Variants in ZNF248 observed in about 807,000 individuals in gnomAD.
The protein encoded by ZNF248 is KRAB protein domain.
Under a neutral mutation model 44.3 loss-of-function variants are expected in ZNF248, and 20 were observed. The observed-to-expected ratio is 0.45, with a 90% CI of 0.32 to 0.66. The LOEUF (loss-of-function observed/expected upper bound fraction) is 0.66. Ranked by LOEUF, ZNF248 falls within the 30% of genes least tolerant of loss-of-function variation. ZNF248 has a pLI of 0.04. For missense variants in ZNF248, 654 were observed against 677.0 expected (o/e 0.97, Z 0.38); for synonymous variants, 224 against 229.0 (o/e 0.98, Z 0.20).
chr10:37,854,260 C>T (rs958970239), intron 3 of ZNF248, among the ~76,000 whole-genome samples: 2 of 151,984 alleles, frequency 1.3e-5, no homozygotes, highest in African/African-American at 4.8e-5. Flanking sequence ...CAAAAATAAC[C>T]AAATATTTCT....
chr10:37,809,942 T>G (rs2051226571), intron 6 of ZNF248, among the ~76,000 whole-genome samples: 1 of 152,250 alleles, frequency 6.6e-6, no homozygotes, highest in Non-Finnish European at 1.5e-5. Flanking sequence ...AGACTTAATT[T>G]GTGACCTAAC....
At chr10:37,819,895 TG>T in intron 6 of ZNF248, 1 of 775,688 alleles carries the variant, frequency 1.3e-6, no homozygotes, top group Non-Finnish European at 2.4e-6. Context: ...GATAAGATTC[TG>T]AAAAGCATAA....
At chr10:37,771,482 T>A in the ZNF248 span, among the ~76,000 whole-genome samples, 1 of 150,468 alleles carries the variant, frequency 6.6e-6, no homozygotes, top group Non-Finnish European at 1.5e-5. Context: ...GGGACATGGA[T>A]GAAACTGGAA....
intron 6 of ZNF248, among the ~76,000 whole-genome samples, chr10:37,804,553 C>G (rs2050281854): frequency 1.3e-5 from 2 of 152,186 alleles, no homozygotes; most frequent in African/African-American, 4.8e-5. Context: ...CCCACCTCAG[C>G]CTCCCGAATA....
chr10:37,802,138 T>C (rs934315068), intron 6 of ZNF248, among the ~76,000 whole-genome samples: 1 of 152,246 alleles, frequency 6.6e-6, no homozygotes, highest in Non-Finnish European at 1.5e-5. Flanking sequence ...GTTTTTTCTA[T>C]TTTAATTTCT....
In ZNF248 at chr10:37,831,882, C is replaced by T. The variant is rs779091396; in HGVS notation, c.1473G>A (p.Pro491=). The change falls in exon 6 of 6, where the codon CCG becomes CCA. Residue 491 remains proline, a synonymous_variant. Coordinates refer to ENST00000395867, the MANE Select transcript of ZNF248 (RefSeq NM_021045.3). ...VHQRTHTGEK[P]FICNECGKSF... is the part of the protein sequence containing the mutation. ...ATTTTCCACATTCATTACATATAAA[C>T]GGTTTCTCCCCTGTGTGTGTTCTCT... 1.3e-5 allele frequency: 21 copies of T among 1,613,612 alleles called. No homozygotes were observed. The East Asian group carries it at 1.6e-4, about 12-fold the overall frequency.
intron 6 of ZNF248, among the ~76,000 whole-genome samples, chr10:37,823,511 G>T (rs1392913151): frequency 6.6e-6 from 1 of 151,944 alleles, no homozygotes; most frequent in Non-Finnish European, 1.5e-5. Flanking sequence ...AATAATGAGG[G>T]GGGTCAAGAA....
At chr10:37,856,649 G>A in intron 1 of ZNF248, 117 bp from the exon 2 acceptor site, 1 of 1,032,152 alleles carries the variant, frequency 9.7e-7, no homozygotes, top group Non-Finnish European at 1.2e-6. Context: ...AAAAAACTGA[G>A]GCCATATTGT....
At chr10:37,815,287 C>T (rs887420999) in intron 6 of ZNF248, among the ~76,000 whole-genome samples, 2 of 150,950 alleles carry the variant, frequency 1.3e-5, no homozygotes, top group African/African-American at 4.8e-5. Flanking sequence ...CTAGTCTCAA[C>T]TCCTAACCTC....
At chr10:37,856,673 T>C (rs929084342) in intron 1 of ZNF248, 141 bp from the exon 2 acceptor site, 12 of 1,011,894 alleles carry the variant, frequency 1.2e-5, no homozygotes, top group Non-Finnish European at 1.4e-5. Context: ...TCTGTTTACC[T>C]GTTAACACCA....
intron 3 of ZNF248, among the ~76,000 whole-genome samples, chr10:37,840,412 T>C (rs548844078): frequency 2.4e-4 from 37 of 152,128 alleles, no homozygotes; most frequent in Admixed American, 2.2e-3. Flanking sequence ...CAATAGCAAA[T>C]ACACATATGA....
At chr10:37,789,699 A>G (rs1372646981) in intron 6 of ZNF248, among the ~76,000 whole-genome samples, 2 of 152,240 alleles carry the variant, frequency 1.3e-5, no homozygotes, top group Non-Finnish European at 1.5e-5. Context: ...CTCAGAAAAT[A>G]TGAACTCTAT....
At chr10:37,793,524 AAAAT>A (rs1364782483) in intron 6 of ZNF248, among the ~76,000 whole-genome samples, 1 of 152,218 alleles carries the variant, frequency 6.6e-6, no homozygotes, top group African/African-American at 2.4e-5. Context: ...TTTGTCAGAT[AAAAT>A]AAATAAAAGT....
chr10:37,820,535 A>G, intron 6 of ZNF248: 1 of 1,602,000 alleles, frequency 6.2e-7, no homozygotes, highest in Non-Finnish European at 8.5e-7. Context: ...AACTGGTGCA[A>G]CACTTCTGCC....
chr10:37,856,655 A>G (rs1487702623), intron 1 of ZNF248, 123 bp from the exon 2 acceptor site: 1 of 1,031,882 alleles, frequency 9.7e-7, no homozygotes, highest in African/African-American at 1.7e-5. Flanking sequence ...CTGAGGCCAT[A>G]TTGTTTATCT....
chr10:37,800,858 T>G (rs1473142469), intron 6 of ZNF248, among the ~76,000 whole-genome samples: 1 of 151,796 alleles, frequency 6.6e-6, no homozygotes, highest in Non-Finnish European at 1.5e-5. Flanking sequence ...GCCTCCCTGG[T>G]TCAAGTGATT....
Position 37,829,265 on chromosome 10 carries a change from A to C in ZNF248, c.*2350T>G, listed in dbSNP as rs1175964677. ...ACACTGTTTCCCTCCTTGCCCTTCA[A>C]GGCTCAGAATGGCAATGGCTTCCTG... On this transcript the variant is annotated 3_prime_UTR_variant, in exon 6 of 6. Transcript: ENST00000395867. 1.0e-6 allele frequency: 1 copy of C among 985,222 alleles called. No homozygotes were observed. 61.0% of individuals were successfully genotyped at this position (985,222 alleles called of 1,614,324 possible).
chr10:37,825,471 C>T (rs796527056), downstream of ZNF248, among the ~76,000 whole-genome samples: 21 of 152,252 alleles, frequency 1.4e-4, no homozygotes, highest in African/African-American at 4.3e-4. Flanking sequence ...CAGGCACTTA[C>T]TCTGTCACCT....
chr10:37,844,941 C>T (rs2059028188), intron 3 of ZNF248, among the ~76,000 whole-genome samples: 1 of 40,152 alleles, frequency 2.5e-5, no homozygotes. Flanking sequence ...CTCTTCCCTC[C>T]CCCTTCCCTC....
Sources: gnomAD v4.1 joint callset for allele counts (sites outside exome capture counted in the v4.1 genomes callset) on GRCh38, gnomAD v4.1.1 for gene constraint, MANE v1.5 for transcripts, NCBI Gene and HGNC (gene_info 2026-07-23, HGNC 2026-07-21) for gene names.